MICU2: variants seen among roughly 807,000 people sequenced by gnomAD.
MICU2 encodes the protein calcium uptake protein 2, mitochondrial.
Under a neutral mutation model 60.4 loss-of-function variants are expected in MICU2, and 64 were observed. The observed-to-expected ratio is 1.06, with a 90% CI of 0.87 to 1.31. The LOEUF is 1.31. Ranked by LOEUF, MICU2 falls within the 50% of genes most tolerant of loss-of-function variation. The pLI, the probability that MICU2 is intolerant of heterozygous loss-of-function variation, is 0.00. For synonymous variants in MICU2, 201 were observed against 175.0 expected (o/e 1.15, Z -1.17); for missense variants, 569 against 531.0 (o/e 1.07, Z -0.70).
At chr13:21,493,876 A>G (rs891966826) in intron 11 of MICU2, among the ~76,000 whole-genome samples, 4 of 152,140 alleles carry the variant, frequency 2.6e-5, no homozygotes, top group African/African-American at 7.2e-5. Context: ...ATACATGTGG[A>G]TTACTACTAC....
chr13:21,540,073 G>T lies in MICU2; in HGVS notation c.359-385C>A, dbSNP rs182364523. Among the ~76,000 whole-genome samples the T allele has an allele frequency of 1.3e-3, 196 of 152,186 alleles. 1 individual carries two copies. The highest frequency in any genetic ancestry group is 3.4e-3 in the Middle Eastern group (1 of 294). ...CATTGATTTAGAAAAAAACACTCAT[G>T]ATTTATAAAGCTTCCTTTTTTTGAA... On this transcript the variant is annotated intron_variant, in intron 2 of 11. Transcript: ENST00000382374.
intron 6 of MICU2, among the ~76,000 whole-genome samples, chr13:21,518,028 T>C (rs1886625636): frequency 6.6e-6 from 1 of 152,196 alleles, no homozygotes; most frequent in African/African-American, 2.4e-5. Context: ...GACCTTTATA[T>C]ACTTAAAAAC....
In MICU2 at chr13:21,602,319, G is replaced by C. The variant is rs373840451; in HGVS notation, c.210+1620C>G. Among the ~76,000 whole-genome samples the C allele has an allele frequency of 3.3e-5, 5 of 151,992 alleles. No individual in the cohort carries two copies. The South Asian group carries it at 6.2e-4, about 19-fold the overall frequency. ...GGGCGGATCACGAGGTCAGGAGATC[G>C]AGACCATCCTGGCTAATACGGTGAA... On this transcript the variant is annotated intron_variant, in intron 1 of 11. Transcript: ENST00000382374.
chr13:21,599,546 T>G (rs1888768723), intron 1 of MICU2, among the ~76,000 whole-genome samples: 3 of 152,238 alleles, frequency 2.0e-5, no homozygotes, highest in South Asian at 4.1e-4. Flanking sequence ...CAAGTTCCAC[T>G]AAGAATTTCT....
chr13:21,578,874 G>A (rs7317774), intron 1 of MICU2, among the ~76,000 whole-genome samples: 3 of 152,170 alleles, frequency 2.0e-5, no homozygotes, highest in Non-Finnish European at 4.4e-5. Context: ...AGTGTTAACT[G>A]TACCAAAGGA....
At position 21,533,659 on chromosome 13, in the gene MICU2, A is replaced by G. The variant is rs531594017; in HGVS notation, c.466+5643T>C. 2.8e-4 allele frequency among the ~76,000 whole-genome samples: 43 copies of G among 152,194 alleles called. No homozygotes were observed. The South Asian group carries it at 8.7e-3, about 31-fold the overall frequency. ...ATTTTTAAAAATTCTATTTGTGTTT[A>G]ATACTGCCAGAATCAGATTTTTCTT... On this transcript the variant is annotated intron_variant, in intron 4 of 11. Coordinates refer to ENST00000382374, the MANE Select transcript of MICU2 (RefSeq NM_152726.3).
At chr13:21,575,174 CAT>C (rs1024607633) in intron 1 of MICU2, among the ~76,000 whole-genome samples, 21 of 152,168 alleles carry the variant, frequency 1.4e-4, no homozygotes, top group African/African-American at 4.8e-4. Context: ...CACAGACACA[CAT>C]ACACACATAA....
chr13:21,510,803 GAATTCATTAAATGAATTCATTT>G (rs1327106421), intron 7 of MICU2, among the ~76,000 whole-genome samples: 12 of 146,654 alleles, frequency 8.2e-5, no homozygotes, highest in Admixed American at 6.0e-4. Flanking sequence ...GCCTTAGGAG[GAATTCATTAAATGAATTCATTT>G]AATTCATTCA....
At chr13:21,540,665 A>G (rs1887259100) in intron 2 of MICU2, among the ~76,000 whole-genome samples, 2 of 152,164 alleles carry the variant, frequency 1.3e-5, no homozygotes, top group Non-Finnish European at 2.9e-5. Flanking sequence ...TACTTTTTAG[A>G]AACATCTATG....
At chr13:21,570,795 CCTGTT>C (rs1888089935) in intron 1 of MICU2, among the ~76,000 whole-genome samples, 3 of 152,056 alleles carry the variant, frequency 2.0e-5, no homozygotes. Context: ...AGTTCCATAC[CCTGTT>C]TGGTTAACTA....
At chr13:21,553,452 G>C (rs1887623892) in intron 2 of MICU2, among the ~76,000 whole-genome samples, 1 of 152,048 alleles carries the variant, frequency 6.6e-6, no homozygotes, top group Non-Finnish European at 1.5e-5. Flanking sequence ...GCCCTGGCCA[G>C]AACTTGCAAC....
intron 4 of MICU2, among the ~76,000 whole-genome samples, chr13:21,532,160 CT>C (rs1887016493): frequency 6.6e-6 from 1 of 152,168 alleles, no homozygotes; most frequent in Admixed American, 6.5e-5. Flanking sequence ...TAAAGAACAT[CT>C]ACAGATTTTT....
chr13:21,493,890 C>T (rs1885924525), intron 11 of MICU2, among the ~76,000 whole-genome samples: 1 of 151,982 alleles, frequency 6.6e-6, no homozygotes, highest in Admixed American at 6.6e-5. Context: ...CTACTACTCT[C>T]AACAAAATGA....
At chr13:21,553,599 T>C (rs1425885185) in intron 2 of MICU2, among the ~76,000 whole-genome samples, 1 of 152,068 alleles carries the variant, frequency 6.6e-6, no homozygotes, top group African/African-American at 2.4e-5. Context: ...GTAAAGACCA[T>C]CAAGGCTAGG....
At chr13:21,586,265 TC>T in intron 1 of MICU2, among the ~76,000 whole-genome samples, 1 of 152,340 alleles carries the variant, frequency 6.6e-6, no homozygotes, top group East Asian at 1.9e-4. Flanking sequence ...TCCGTTTTTT[TC>T]TTTAAGCCTT....
intron 9 of MICU2, among the ~76,000 whole-genome samples, chr13:21,498,535 C>T (rs1886061358): frequency 1.3e-5 from 2 of 152,210 alleles, no homozygotes; most frequent in South Asian, 2.1e-4. Flanking sequence ...CCCACCACCA[C>T]GTCCGGCTAA....
chr13:21,583,135 G>T (rs1047986314), intron 1 of MICU2, among the ~76,000 whole-genome samples: 1 of 152,144 alleles, frequency 6.6e-6, no homozygotes, highest in African/African-American at 2.4e-5. Context: ...CATGCCTGTA[G>T]TCCTAGCTAC....
At chr13:21,570,397 C>A (rs1335993745) in intron 1 of MICU2, among the ~76,000 whole-genome samples, 3 of 152,106 alleles carry the variant, frequency 2.0e-5, no homozygotes, top group African/African-American at 7.2e-5. Flanking sequence ...TTTGCCAATG[C>A]CATTTTTAAC....
At chr13:21,526,483 AT>A (rs1886859953) in intron 4 of MICU2, among the ~76,000 whole-genome samples, 1 of 152,042 alleles carries the variant, frequency 6.6e-6, no homozygotes, top group Non-Finnish European at 1.5e-5. Flanking sequence ...TTCAGGTTTG[AT>A]TTTGACAAGA....
Sources: gnomAD v4.1 joint callset for allele counts (sites outside exome capture counted in the v4.1 genomes callset) on GRCh38, gnomAD v4.1.1 for gene constraint, MANE v1.5 for transcripts, NCBI Gene and HGNC (gene_info 2026-07-23, HGNC 2026-07-21) for gene names.